TOX: variants seen among roughly 807,000 people sequenced by gnomAD.
TOX encodes thymocyte selection associated high mobility group box.
Under a neutral mutation model 53.7 loss-of-function variants are expected in TOX, and 11 were observed. The observed-to-expected ratio is 0.20, with a 90% CI of 0.13 to 0.34. The LOEUF (loss-of-function observed/expected upper bound fraction) is 0.34. Ranked by LOEUF, TOX falls within the 10% of genes least tolerant of loss-of-function variation. The probability of loss-of-function intolerance (pLI) is 1.00; values close to 1 mark genes in which losing one functional copy is unlikely to be tolerated. For missense variants in TOX, 570 were observed against 664.6 expected, an observed-to-expected ratio of 0.86 and a Z score of 1.56; for synonymous variants, 225 against 245.3, an observed-to-expected ratio of 0.92 and a Z score of 0.77.
intron 3 of TOX, among the ~76,000 whole-genome samples, chr8:58,913,755 A>C (rs1479830918): frequency 1.7e-5 from 2 of 120,380 alleles, no homozygotes; most frequent in African/African-American, 5.7e-5. Context: ...AAGTATAAGA[A>C]TGTTTTATAA....
At chr8:59,088,435 C>T (rs1009377474) in intron 1 of TOX, among the ~76,000 whole-genome samples, 26 of 152,152 alleles carry the variant, frequency 1.7e-4, no homozygotes. Flanking sequence ...AGACACCAGA[C>T]ATTTTCTGGA....
intron 3 of TOX, among the ~76,000 whole-genome samples, chr8:58,905,551 T>C (rs1811799001): frequency 6.6e-6 from 1 of 152,238 alleles, no homozygotes; most frequent in Non-Finnish European, 1.5e-5. Context: ...TCTCCTTGGC[T>C]GGATAAGATG....
At chr8:59,078,447 G>T (rs548503096) in intron 1 of TOX, among the ~76,000 whole-genome samples, 10 of 152,120 alleles carry the variant, frequency 6.6e-5, no homozygotes, top group Admixed American at 6.5e-4. Flanking sequence ...TTAAAAGGGC[G>T]TGGCACTTGC....
intron 1 of TOX, among the ~76,000 whole-genome samples, chr8:59,035,272 C>T (rs1364309975): frequency 6.6e-6 from 1 of 152,222 alleles, no homozygotes; most frequent in Non-Finnish European, 1.5e-5. Flanking sequence ...TGCTAAGCAA[C>T]ATAAATGTGT....
intron 1 of TOX, among the ~76,000 whole-genome samples, chr8:59,059,284 T>C (rs1052433947): frequency 6.6e-6 from 1 of 152,204 alleles, no homozygotes; most frequent in African/African-American, 2.4e-5. Context: ...AATTCCTTTC[T>C]AAGAGCCTGG....
chr8:58,836,128 C>G (rs1019718105), intron 5 of TOX, among the ~76,000 whole-genome samples: 10 of 152,136 alleles, frequency 6.6e-5, no homozygotes. Context: ...GAGGAGACAG[C>G]GAGCTATGTC....
Position 58,826,777 on chromosome 8 carries a change from C to T in TOX, c.1005+45G>A, listed in dbSNP as rs143426776. 416 of 1,535,396 alleles carry T rather than the reference C, an allele frequency of 2.7e-4. No individual in the cohort carries two copies. The African/African-American group carries it at 5.3e-3, about 19-fold the overall frequency. On this transcript the variant is annotated intron_variant, in intron 6 of 8. Transcript: ENST00000361421. ...TTTAAGTGACTATCAAAGTCTGCGC[C>T]GAGATGGCCACAATCCTTCACAATA... is the stretch of plus-strand genomic sequence containing the variant.
intron 3 of TOX, among the ~76,000 whole-genome samples, chr8:58,922,373 G>A (rs1343409310): frequency 6.6e-6 from 1 of 152,198 alleles, no homozygotes; most frequent in Non-Finnish European, 1.5e-5. Context: ...ATATTGAAAT[G>A]TGCATGCGTG....
At chr8:58,830,995 C>T in intron 5 of TOX, among the ~76,000 whole-genome samples, 1 of 152,146 alleles carries the variant, frequency 6.6e-6, no homozygotes, top group South Asian at 2.1e-4. Flanking sequence ...AGAACTTAGT[C>T]CATTTAACTT....
chr8:58,930,201 G>A (rs1812236036), intron 3 of TOX, among the ~76,000 whole-genome samples: 2 of 152,194 alleles, frequency 1.3e-5, no homozygotes, highest in South Asian at 4.1e-4. Flanking sequence ...GCTTAGAAGT[G>A]TCAGCCCAAA....
Position 58,873,958 on chromosome 8 carries a change from C to CTTTTTTTTTTTTTTTTTTTT in TOX, c.412-22173_412-22154dup, listed in dbSNP as rs1173710545. On this transcript the variant is annotated intron_variant, in intron 3 of 8. Transcript: ENST00000361421. ...AATACACATCCTGAATGCCAGGAAG[C>CTTTTTTTTTTTTTTTTTTTT]TTTTTTTTTTTTTTTTTTTTTTTTT... Among the ~76,000 whole-genome samples the CTTTTTTTTTTTTTTTTTTTT allele has an allele frequency of 9.2e-4, 37 of 40,136 alleles. 10 individuals are homozygous for CTTTTTTTTTTTTTTTTTTTT. Among genetic ancestry groups the CTTTTTTTTTTTTTTTTTTTT allele is most frequent in the African/African-American group, 2.1e-3 (12 of 5,792 alleles). 26.3% of individuals were successfully genotyped at this position (40,136 alleles called of 152,430 possible). A position where few individuals can be genotyped will look rare whatever the true frequency, so the allele number is the denominator to read the frequency against.
chr8:59,002,484 C>T (rs536386243), intron 1 of TOX, among the ~76,000 whole-genome samples: 1 of 150,964 alleles, frequency 6.6e-6, no homozygotes, highest in East Asian at 2.0e-4. Context: ...CCCTGCTCCT[C>T]GGGAGGCTGA....
intron 3 of TOX, among the ~76,000 whole-genome samples, chr8:58,910,767 T>C (rs1227517214): frequency 5.9e-5 from 9 of 152,226 alleles, no homozygotes; most frequent in Non-Finnish European, 1.2e-4. Flanking sequence ...AAATAAGTCA[T>C]AGTAGACTTA....
chr8:58,934,085 T>C (rs1255126699), intron 3 of TOX, among the ~76,000 whole-genome samples: 1 of 152,216 alleles, frequency 6.6e-6, no homozygotes, highest in Non-Finnish European at 1.5e-5. Flanking sequence ...TCTTGCATAT[T>C]GGGTCATGAA....
At position 59,075,835 on chromosome 8, in the gene TOX, G is replaced by A. The variant is rs368637127; in HGVS notation, c.102+43051C>T. 4.6e-5 allele frequency among the ~76,000 whole-genome samples: 7 copies of A among 151,888 alleles called. No individual in the cohort carries two copies. In the South Asian group the frequency reaches 6.2e-4, roughly 14 times the overall value. On this transcript the variant is annotated intron_variant, in intron 1 of 8. Transcript: ENST00000361421. ...AAGGTCAGGAACATGAAGAAACCCC[G>A]TCTCTACTAAAAATGCAAAATTAGC...
At chr8:58,999,111 T>G (rs1411450955) in intron 1 of TOX, among the ~76,000 whole-genome samples, 1 of 152,234 alleles carries the variant, frequency 6.6e-6, no homozygotes, top group Non-Finnish European at 1.5e-5. Flanking sequence ...AATTGTTTTT[T>G]GGTTATAGTT....
intron 1 of TOX, among the ~76,000 whole-genome samples, chr8:58,965,894 G>GCTTTTTT (rs1374766431): frequency 4.0e-5 from 2 of 49,616 alleles, no homozygotes; most frequent in African/African-American, 7.7e-5. Context: ...ACGAGTCATC[G>GCTTTTTT]TTTTTTTTTT....
intron 4 of TOX, among the ~76,000 whole-genome samples, chr8:58,846,246 G>T (rs56371425): frequency 0.18 from 27,231 of 151,598 alleles, 2,753 homozygotes; most frequent in Non-Finnish European, 0.23. Context: ...AATAAATAAG[G>T]GTCATACATT....
intron 3 of TOX, among the ~76,000 whole-genome samples, chr8:58,855,817 T>C (rs1810903953): frequency 1.3e-5 from 2 of 152,220 alleles, no homozygotes; most frequent in African/African-American, 4.8e-5. Context: ...TGCTCCTTTT[T>C]TACCTAAATC....
Sources: gnomAD v4.1 joint callset for allele counts (sites outside exome capture counted in the v4.1 genomes callset) on GRCh38, gnomAD v4.1.1 for gene constraint, MANE v1.5 for transcripts, NCBI Gene and HGNC (gene_info 2026-07-23, HGNC 2026-07-21) for gene names.